DSCAML1: variants seen among roughly 807,000 people sequenced by gnomAD.
The protein encoded by DSCAML1 is DS cell adhesion molecule like 1.
A neutral mutation model predicts 200.5 loss-of-function variants in DSCAML1; 38 were observed. The ratio of observed to expected loss-of-function variants is 0.19; its 90% CI spans 0.15 to 0.25. The LOEUF (loss-of-function observed/expected upper bound fraction) is 0.25, where lower values mean the gene tolerates loss of function less well. Ranked by LOEUF, DSCAML1 falls within the 10% of genes least tolerant of loss-of-function variation. The probability of loss-of-function intolerance (pLI) is 1.00; values close to 1 mark genes in which losing one functional copy is unlikely to be tolerated. For synonymous variants in DSCAML1, 1,215 were observed against 1,165.0 expected (o/e 1.04, Z -0.87); for missense variants, 2,223 against 2,858.8 (o/e 0.78, Z 5.07).
At chr11:117,446,173 G>C (rs1020626803) in intron 20 of DSCAML1, among the ~76,000 whole-genome samples, 3 of 152,168 alleles carry the variant, frequency 2.0e-5, no homozygotes, top group African/African-American at 7.2e-5. Context: ...AGACCAGCCT[G>C]ACTAACATGG....
At chr11:117,440,940 A>G (rs2048033128) in intron 21 of DSCAML1, among the ~76,000 whole-genome samples, 1 of 150,676 alleles carries the variant, frequency 6.6e-6, no homozygotes, top group African/African-American at 2.5e-5. Flanking sequence ...AAAAAAAAAA[A>G]AAAAAAAGGA....
At chr11:117,492,817 G>T (rs949436810) in intron 11 of DSCAML1, among the ~76,000 whole-genome samples, 4 of 152,206 alleles carry the variant, frequency 2.6e-5, no homozygotes, top group Non-Finnish European at 5.9e-5. Flanking sequence ...TGGGGAGGGG[G>T]TGCCTTCTGG....
Position 117,505,806 on chromosome 11 carries a change from C to G in DSCAML1, c.1784-74G>C. 6.6e-7 allele frequency: 1 copy of G among 1,524,578 alleles called. No individual in the cohort carries two copies. 94.4% of individuals were successfully genotyped at this position (1,524,578 alleles called of 1,614,324 possible). On this transcript the variant is annotated intron_variant, in intron 8 of 32. Transcript: ENST00000651296. The surrounding 1 kb of genome is among the most constrained non-coding windows in gnomAD (Gnocchi z 6.7). ...TGGCCGCCAACGCCGCCTCACCTGCCTTACCTGGGGCTCTGGGTTGGGCCT... is the reference window on the plus strand; with the variant it reads ...TGGCCGCCAACGCCGCCTCACCTGCGTTACCTGGGGCTCTGGGTTGGGCCT...
intron 3 of DSCAML1, among the ~76,000 whole-genome samples, chr11:117,633,254 G>C (rs2052211658): frequency 6.6e-6 from 1 of 152,120 alleles, no homozygotes; most frequent in African/African-American, 2.4e-5. Context: ...TGGGAACCTG[G>C]GCAACCTTTG....
intron 3 of DSCAML1, among the ~76,000 whole-genome samples, chr11:117,546,879 C>G (rs11216448): frequency 6.6e-6 from 1 of 152,058 alleles, no homozygotes; most frequent in African/African-American, 2.4e-5. Context: ...AAAACTGGAG[C>G]GCTCCCAGGC....
At position 117,521,218 on chromosome 11, in the gene DSCAML1, C is replaced by G. The variant is rs147591517; in HGVS notation, c.1125G>C (p.Ser375=). 1.9e-6 allele frequency: 3 copies of G among 1,614,128 alleles called. No homozygotes were observed. The South Asian group carries it at 3.3e-5, about 18-fold the overall frequency. The part of the protein sequence containing the change: ...GLSNETLLIT[S]AQKSHSGAYQ... ...AGGCCCCGGAATGGCTCTTCTGGGC[C>G]GAGGTGATGAGCAGCGTCTCGTTGC... is the stretch of plus-strand genomic sequence containing the variant. Residue 375 remains serine (S), a synonymous_variant, in exon 6 of 33, where the codon TCG becomes TCC. Coordinates refer to ENST00000651296, the MANE Select transcript of DSCAML1 (RefSeq NM_020693.4).
intron 3 of DSCAML1, among the ~76,000 whole-genome samples, chr11:117,540,677 A>G (rs525110): frequency 0.16 from 23,081 of 147,516 alleles, 2,036 homozygotes; most frequent in South Asian, 0.4. Context: ...AACATCACAC[A>G]CTAGGGCCTG....
Position 117,428,763 on chromosome 11 carries a change from G to T in DSCAML1, c.5727C>A (p.Ala1909=). The change falls in exon 33 of 33, where the codon GCC becomes GCA. Residue 1909 remains alanine, a synonymous_variant. Transcript: ENST00000651296. ...CNLPLYAKSE[A]FFRKADGREP... ...CACGTCCATCTGCCTTTCGAAAGAA[G>T]GCCTCTGACTTGGCATACAGGGGCA... 1 of 1,611,148 alleles carries T rather than the reference G, an allele frequency of 6.2e-7. No homozygotes were observed. Among genetic ancestry groups the T allele is most frequent in the Non-Finnish European group, 8.5e-7 (1 of 1,179,152 alleles).
chr11:117,738,435 G>A (rs1473256130), intron 3 of DSCAML1, among the ~76,000 whole-genome samples: 2 of 151,926 alleles, frequency 1.3e-5, no homozygotes, highest in African/African-American at 2.4e-5. Context: ...TCTGGCTGAC[G>A]TCAGCATTAC....
chr11:117,575,520 T>A (rs1009180005), intron 3 of DSCAML1, among the ~76,000 whole-genome samples: 2 of 152,208 alleles, frequency 1.3e-5, no homozygotes, highest in African/African-American at 4.8e-5. Context: ...TCTGGTTTGA[T>A]AAAGCTTCTT....
At chr11:117,471,757 C>A in intron 15 of DSCAML1, 112 bp downstream of exon 15, 1 of 1,186,682 alleles carries the variant, frequency 8.4e-7, no homozygotes, top group South Asian at 1.8e-5. Flanking sequence ...TGCTTTTCCC[C>A]ACGCCACCCC....
chr11:117,545,226 T>TAAA (rs369727751), intron 3 of DSCAML1, among the ~76,000 whole-genome samples: 2,204 of 135,898 alleles, frequency 0.016, 43 homozygotes, highest in East Asian at 0.07. Flanking sequence ...CAAGATTCCG[T>TAAA]AAAAAAAAAC....
intron 16 of DSCAML1, among the ~76,000 whole-genome samples, chr11:117,465,742 TTGAATGAA>T (rs57457586): frequency 0.47 from 70,512 of 150,316 alleles, 17,040 homozygotes; most frequent in East Asian, 0.78. Flanking sequence ...TCAATACATA[TTGAATGAA>T]TGAATGAATG....
intron 3 of DSCAML1, among the ~76,000 whole-genome samples, chr11:117,765,163 C>G (rs1289948940): frequency 1.3e-5 from 2 of 152,188 alleles, no homozygotes. Flanking sequence ...GGCCTTTGTC[C>G]AGGCCCAGGG....
At chr11:117,501,488 C>T (rs753111871) in intron 11 of DSCAML1, among the ~76,000 whole-genome samples, 17 of 152,208 alleles carry the variant, frequency 1.1e-4, no homozygotes, top group Admixed American at 4.6e-4. Context: ...GCCTCCATGA[C>T]TGCTGCCCTG....
chr11:117,611,618 T>C (rs1221224038), intron 3 of DSCAML1: 1 of 152,210 alleles, frequency 6.6e-6, no homozygotes, highest in Non-Finnish European at 1.5e-5. Context: ...CTGTGCTCAT[T>C]ATCTGGGTGA....
chr11:117,677,284 G>A (rs994450886), intron 3 of DSCAML1, among the ~76,000 whole-genome samples: 114 of 152,256 alleles, frequency 7.5e-4, no homozygotes, highest in African/African-American at 2.6e-3. Flanking sequence ...GGCTGGGGTC[G>A]GGGGCTGGTT....
Position 117,480,474 on chromosome 11 carries a change from C to G in DSCAML1, c.2754G>C (p.Thr918=). 6.2e-7 allele frequency: 1 copy of G among 1,613,484 alleles called. No individual in the cohort carries two copies. Among genetic ancestry groups the G allele is most frequent in the Non-Finnish European group, 8.5e-7 (1 of 1,179,808 alleles). ...TGTTCTTGTATTCAATGTCGAAGCCCGTGATGATGCTGTTCCCGTCGAATC... is the reference window on the plus strand; with the variant it reads ...TGTTCTTGTATTCAATGTCGAAGCCGGTGATGATGCTGTTCCCGTCGAATC... The part of the protein sequence containing the change: ...TQRFDGNSII[T]GFDIEYKNKS... The change falls in exon 14 of 33, where the codon ACG becomes ACC. Residue 918 remains threonine, a synonymous_variant. Transcript: ENST00000651296. This position sits in a 1 kb window ranked among gnomAD's most constrained non-coding sequence, Gnocchi z 4.1.
intron 3 of DSCAML1, among the ~76,000 whole-genome samples, chr11:117,674,456 T>C (rs542745969): frequency 2.4e-4 from 37 of 152,322 alleles, no homozygotes; most frequent in African/African-American, 7.9e-4. Flanking sequence ...GGAACTGCCA[T>C]GATCCTCTCA....
Sources: allele counts gnomAD v4.1 joint callset (sites outside exome capture counted in the v4.1 genomes callset), GRCh38; gene constraint gnomAD v4.1.1; non-coding constraint Gnocchi (gnomAD v3.1); transcripts MANE v1.5; gene names NCBI Gene and HGNC (gene_info 2026-07-23, HGNC 2026-07-21).